The following SEL1L2 variants were observed in gnomAD, a reference collection of about 807,000 sequenced individuals.
SEL1L2 encodes protein sel-1 homolog 2.
In SEL1L2, 89 loss-of-function variants were observed where a neutral mutation model predicts 98.8. That is an observed-to-expected ratio of 0.90 (90% confidence interval 0.76 to 1.07). The LOEUF is 1.07. SEL1L2 is among the 50% of genes least tolerant of loss of function. SEL1L2 has a pLI of 0.00. For missense variants in SEL1L2, 788 were observed against 812.0 expected, an observed-to-expected ratio of 0.97 and a Z score of 0.36; for synonymous variants, 262 against 278.5, an observed-to-expected ratio of 0.94 and a Z score of 0.59.
chr20:13,875,936 T>G, intron 12 of SEL1L2, 102 bp downstream of exon 12: 4 of 850,860 alleles, frequency 4.7e-6, no homozygotes, highest in African/African-American at 1.7e-5. Context: ...TACAGGCCCA[T>G]TATCTGGGCT....
chr20:13,968,967 A>T (rs1409459497), intron 1 of SEL1L2, among the ~76,000 whole-genome samples: 1 of 152,250 alleles, frequency 6.6e-6, no homozygotes, highest in Non-Finnish European at 1.5e-5. Context: ...ATTCATACAA[A>T]GTATGAAGGC....
chr20:13,887,133 TAAAGATAGATATGCTTG>T (rs1295186598), intron 8 of SEL1L2, among the ~76,000 whole-genome samples: 1 of 152,202 alleles, frequency 6.6e-6, no homozygotes, highest in Non-Finnish European at 1.5e-5. Flanking sequence ...AAAATAAATA[TAAAGATAGATATGCTTG>T]AATACACCTA....
At chr20:13,934,068 C>T (rs568447001) in intron 2 of SEL1L2, among the ~76,000 whole-genome samples, 1 of 150,062 alleles carries the variant, frequency 6.7e-6, no homozygotes, top group Non-Finnish European at 1.5e-5. Context: ...GCACCCATCA[C>T]CCGAGCAGTA....
At chr20:13,986,106 T>C (rs58202348) in intron 1 of SEL1L2, among the ~76,000 whole-genome samples, 2,372 of 152,304 alleles carry the variant, frequency 0.016, 60 homozygotes, top group African/African-American at 0.055. Flanking sequence ...TGTGTAAGTT[T>C]TTGTATGGAA....
intron 2 of SEL1L2, among the ~76,000 whole-genome samples, chr20:13,946,558 C>A (rs1481943169): frequency 6.6e-6 from 1 of 152,254 alleles, no homozygotes; most frequent in Non-Finnish European, 1.5e-5. Flanking sequence ...ATGCCAGCTG[C>A]AGCAGGGGAA....
chr20:13,967,162 C>G (rs984939697), intron 1 of SEL1L2, among the ~76,000 whole-genome samples: 1 of 151,998 alleles, frequency 6.6e-6, no homozygotes, highest in Non-Finnish European at 1.5e-5. Context: ...ATTACAGGAG[C>G]CAGCCACTGT....
At chr20:13,917,503 AG>A (rs1474007988) in intron 4 of SEL1L2, among the ~76,000 whole-genome samples, 1 of 152,254 alleles carries the variant, frequency 6.6e-6, no homozygotes, top group Admixed American at 6.5e-5. Flanking sequence ...ACACATGTAA[AG>A]TACCTAAAAC....
chr20:13,862,510 A>T (rs2147790275), intron 17 of SEL1L2, among the ~76,000 whole-genome samples: 1 of 152,292 alleles, frequency 6.6e-6, no homozygotes, highest in East Asian at 1.9e-4. Context: ...AAATTTTCTC[A>T]TTTGGCCCTA....
At chr20:13,921,172 A>T (rs956033589) in intron 3 of SEL1L2, among the ~76,000 whole-genome samples, 18 of 152,144 alleles carry the variant, frequency 1.2e-4, no homozygotes, top group Non-Finnish European at 1.3e-4. Context: ...TGGCTTTCCA[A>T]ATGTATTGGA....
intron 5 of SEL1L2, among the ~76,000 whole-genome samples, chr20:13,904,071 T>A (rs548916691): frequency 6.6e-6 from 1 of 152,348 alleles, no homozygotes; most frequent in African/African-American, 2.4e-5. Flanking sequence ...TAAAGCTTTT[T>A]ATTATAATTT....
At chr20:13,971,613 T>A (rs983035405) in intron 1 of SEL1L2, among the ~76,000 whole-genome samples, 3 of 151,876 alleles carry the variant, frequency 2.0e-5, no homozygotes, top group African/African-American at 7.3e-5. Flanking sequence ...TTTTGTATTT[T>A]TAGTAGAGAT....
At position 13,926,114 on chromosome 20, in the gene SEL1L2, T is replaced by G. The variant is rs6079223; in HGVS notation, c.283+5489A>C. On this transcript the variant is annotated intron_variant, in intron 3 of 19. Transcript: ENST00000284951. ...CGGGCGAATCACGAGGTCAGGAGAT[T>G]GAGACCATCCTGGCTAGTACGGTGA... 4.6e-5 allele frequency among the ~76,000 whole-genome samples: 7 copies of G among 152,010 alleles called. No individual in the cohort carries two copies. In the East Asian group the frequency reaches 5.8e-4, roughly 13 times the overall value.
Position 13,865,502 on chromosome 20 carries a change from C to T in SEL1L2, c.1417G>A (p.Val473Ile), listed in dbSNP as rs146654307. ...TCAGCCCAGTGGCCTAGTTCACAGA[C>T]ACCTTTATAAAGCTGTACATGAGAG... is the stretch of plus-strand genomic sequence containing the variant. ...CRTAVELYKG[V>I]CELGHWAEKF... Residue 473 changes from valine to isoleucine, a missense_variant, in exon 16 of 20, where the codon GTC becomes ATC. Transcript: ENST00000284951. 3,328 of 1,613,748 alleles carry T rather than the reference C, an allele frequency of 2.1e-3. 9 individuals are homozygous for T. The highest frequency in any genetic ancestry group is 5.6e-3 in the Middle Eastern group (34 of 6,058).
intron 2 of SEL1L2, among the ~76,000 whole-genome samples, chr20:13,939,178 G>A (rs2049626526): frequency 6.6e-6 from 1 of 151,206 alleles, no homozygotes; most frequent in Admixed American, 6.6e-5. Flanking sequence ...TGAGTATCTG[G>A]GATTACAGGT....
intron 1 of SEL1L2, among the ~76,000 whole-genome samples, chr20:13,965,956 CAAA>C (rs199731856): frequency 1.8e-5 from 2 of 110,236 alleles, no homozygotes; most frequent in Admixed American, 9.5e-5. Context: ...GATTCTGTCT[CAAA>C]AAAAAAAAAA....
intron 4 of SEL1L2, among the ~76,000 whole-genome samples, chr20:13,918,066 C>G (rs959396871): frequency 6.6e-6 from 1 of 152,074 alleles, no homozygotes; most frequent in African/African-American, 2.4e-5. Context: ...GCTGGGATTA[C>G]AGGTATGAGC....
chr20:13,961,221 A>G (rs1207797332), intron 1 of SEL1L2, among the ~76,000 whole-genome samples: 2 of 152,226 alleles, frequency 1.3e-5, no homozygotes, highest in Admixed American at 6.5e-5. Flanking sequence ...ACCTTACCAA[A>G]GGATTCACAA....
At chr20:13,991,121 C>T (rs2052519652), upstream of SEL1L2, among the ~76,000 whole-genome samples, 1 of 152,154 alleles carries the variant, frequency 6.6e-6, no homozygotes, top group Admixed American at 6.5e-5. Context: ...TCTTTACATA[C>T]CTCAGATAAT....
rs957041396 is a variant in SEL1L2, at chr20:13,855,981, T to C, written c.1818+3281A>G. On this transcript the variant is annotated intron_variant, in intron 18 of 19. Coordinates refer to ENST00000284951, the MANE Select transcript of SEL1L2 (RefSeq NM_025229.2). ...GGAGAACACTAGAATTGAAGACCCCTGAGTAGTCTTTACTACAAGCTGAGG... is the reference window on the plus strand; with the variant it reads ...GGAGAACACTAGAATTGAAGACCCCCGAGTAGTCTTTACTACAAGCTGAGG... 2.6e-5 allele frequency among the ~76,000 whole-genome samples: 4 copies of C among 152,270 alleles called. No homozygotes were observed. In the South Asian group the frequency reaches 8.3e-4, roughly 32 times the overall value.
Sources: allele counts gnomAD v4.1 joint callset (sites outside exome capture counted in the v4.1 genomes callset), GRCh38; gene constraint gnomAD v4.1.1; transcripts MANE v1.5; gene names NCBI Gene and HGNC (gene_info 2026-07-23, HGNC 2026-07-21).